The following PRKAA2 variants were observed in gnomAD, a reference collection of about 807,000 sequenced individuals.
The protein encoded by PRKAA2 is 5'-AMP-activated protein kinase catalytic subunit alpha-2.
In PRKAA2, 40 loss-of-function variants were observed where a neutral mutation model predicts 56.3. The observed-to-expected ratio is 0.71, with a 90% CI of 0.55 to 0.92. The LOEUF (loss-of-function observed/expected upper bound fraction) is 0.92, where lower values mean the gene tolerates loss of function less well. PRKAA2 is among the 40% of genes least tolerant of loss of function. The probability of loss-of-function intolerance (pLI) is 0.00; values close to 1 mark genes in which losing one functional copy is unlikely to be tolerated. For synonymous variants in PRKAA2, 214 were observed against 234.2 expected (o/e 0.91, Z 0.79); for missense variants, 542 against 686.9 (o/e 0.79, Z 2.36).
At chr1:56,689,937 C>T (rs1644216472) in intron 2 of PRKAA2, among the ~76,000 whole-genome samples, 1 of 137,612 alleles carries the variant, frequency 7.3e-6, no homozygotes, top group Admixed American at 7.4e-5. Flanking sequence ...CACACACACA[C>T]TCTTAATTTT....
intron 1 of PRKAA2, among the ~76,000 whole-genome samples, chr1:56,648,275 T>C (rs1174820191): frequency 6.6e-6 from 1 of 152,196 alleles, no homozygotes; most frequent in East Asian, 1.9e-4. Flanking sequence ...CCTGTATAAA[T>C]TTGCTTTTTC....
At chr1:56,652,564 C>T (rs929904106) in intron 1 of PRKAA2, among the ~76,000 whole-genome samples, 3 of 152,186 alleles carry the variant, frequency 2.0e-5, no homozygotes, top group African/African-American at 7.2e-5. Flanking sequence ...GAATTAATTC[C>T]ATTTCTACTA....
chr1:56,694,986 G>A (rs915737258), intron 5 of PRKAA2, among the ~76,000 whole-genome samples: 1 of 151,718 alleles, frequency 6.6e-6, no homozygotes, highest in South Asian at 2.1e-4. Flanking sequence ...CTGTAGAAAC[G>A]TAAGAGAAAA....
At chr1:56,655,286 T>A (rs1463239063) in intron 1 of PRKAA2, among the ~76,000 whole-genome samples, 9 of 86,366 alleles carry the variant, frequency 1.0e-4, no homozygotes, top group African/African-American at 3.6e-4. Flanking sequence ...ATATATTTTT[T>A]TTTTTTTTTT....
chr1:56,648,235 A>G (rs1473907019), intron 1 of PRKAA2, among the ~76,000 whole-genome samples: 1 of 152,176 alleles, frequency 6.6e-6, no homozygotes, highest in Non-Finnish European at 1.5e-5. Flanking sequence ...TTCTACCCTC[A>G]GTCCCAGGAA....
In PRKAA2 at chr1:56,704,444, G is replaced by A. The variant is rs777124193; in HGVS notation, c.1262G>A (p.Arg421Gln). ...TATGACATTATGGCTGAAGTTTACC[G>A]AGCTATGAAGCAGCTGGATTTTGAA... ...KPYDIMAEVYRAMKQLDFEWK... is the reference protein window; with the variant it reads ...KPYDIMAEVYQAMKQLDFEWK... The change falls in exon 7 of 9, where the codon CGA becomes CAA. Residue 421 changes from arginine to glutamine, a missense_variant. Physicochemically the swap from Arg to Gln is conservative, Grantham distance 43 (BLOSUM62 1). This residue lies in a region of PRKAA2 where 158 missense variants were observed against 166.1 expected (regional missense o/e 0.95). Coordinates refer to ENST00000371244, the MANE Select transcript of PRKAA2 (RefSeq NM_006252.4). 18 of 1,605,650 alleles carry A rather than the reference G, an allele frequency of 1.1e-5. No homozygotes were observed. The highest frequency in any genetic ancestry group is 1.7e-4 in the Middle Eastern group (1 of 6,016).
chr1:56,674,207 A>T (rs1200983771), intron 1 of PRKAA2, among the ~76,000 whole-genome samples, 174 bp from the exon 2 acceptor site: 1 of 152,198 alleles, frequency 6.6e-6, no homozygotes, highest in Non-Finnish European at 1.5e-5. Context: ...CTGTCCTCAG[A>T]GAGTGCATAC....
At chr1:56,698,169 G>C (rs1644271671) in intron 6 of PRKAA2, among the ~76,000 whole-genome samples, 1 of 144,610 alleles carries the variant, frequency 6.9e-6, no homozygotes. Context: ...TTCCCATCTT[G>C]GCCTCCCAAA....
intron 1 of PRKAA2, among the ~76,000 whole-genome samples, chr1:56,660,955 A>G (rs193243894): frequency 6.6e-6 from 1 of 152,280 alleles, no homozygotes; most frequent in Admixed American, 6.5e-5. Context: ...GAGAAGAGCA[A>G]TGAGATTGTT....
chr1:56,687,785 T>A (rs1644201830), intron 2 of PRKAA2, among the ~76,000 whole-genome samples: 1 of 152,188 alleles, frequency 6.6e-6, no homozygotes, highest in East Asian at 1.9e-4. Flanking sequence ...CAAAAAGGTG[T>A]ACTCATGAAT....
In PRKAA2 at chr1:56,684,979, C is replaced by T. The variant is rs538702630; in HGVS notation, c.237-6415C>T. Among the ~76,000 whole-genome samples, 12 of 152,190 alleles carry T rather than the reference C, an allele frequency of 7.9e-5. No individual in the cohort carries two copies. In the South Asian group the frequency reaches 2.5e-3, roughly 32 times the overall value. On this transcript the variant is annotated intron_variant, in intron 2 of 8. Coordinates refer to ENST00000371244, the MANE Select transcript of PRKAA2 (RefSeq NM_006252.4). The stretch of plus-strand genomic sequence containing the variant: ...GAGGGGCTAATTATAGAAGCCAAGT[C>T]CCTTCGTAGGTGTGGGAGATAATCC...
At chr1:56,687,807 GCTAA>G (rs538994091) in intron 2 of PRKAA2, among the ~76,000 whole-genome samples, 2 of 152,042 alleles carry the variant, frequency 1.3e-5, no homozygotes, top group South Asian at 4.2e-4. Context: ...TTGATTTTTG[GCTAA>G]CTTTGGAAAG....
At chr1:56,699,937 T>C (rs1263815369) in intron 6 of PRKAA2, among the ~76,000 whole-genome samples, 1 of 152,198 alleles carries the variant, frequency 6.6e-6, no homozygotes, top group Non-Finnish European at 1.5e-5. Context: ...ACTTCATTTT[T>C]TTTGCTTGAA....
rs1195985973 is a variant in PRKAA2, at chr1:56,645,414, G to A, written c.27G>A (p.Gly9=). The A allele has an allele frequency of 6.6e-6, 10 of 1,513,372 alleles. No homozygotes were observed. Among genetic ancestry groups the A allele is most frequent in the Non-Finnish European group, 8.9e-6 (10 of 1,125,472 alleles). The allele number at this position is 1,513,372 out of a possible 1,614,324, so 93.7% of individuals were successfully genotyped here. MAEKQKHD[G]RVKIGHYVLG... is the part of the protein sequence containing the mutation. ...TGGCTGAGAAGCAGAAGCACGACGG[G>A]CGGGTGAAGATCGGACACTACGTGC... The change falls in exon 1 of 9, where the codon GGG becomes GGA. Residue 9 remains glycine (G), a synonymous_variant. Coordinates refer to ENST00000371244, the MANE Select transcript of PRKAA2 (RefSeq NM_006252.4).
intron 1 of PRKAA2, among the ~76,000 whole-genome samples, chr1:56,671,179 A>G (rs1435605603): frequency 1.3e-5 from 2 of 152,218 alleles, no homozygotes; most frequent in Non-Finnish European, 2.9e-5. Context: ...GATTTTCAGG[A>G]ACATTCATTC....
intron 1 of PRKAA2, among the ~76,000 whole-genome samples, chr1:56,672,364 G>C (rs1644083524): frequency 6.6e-6 from 1 of 152,178 alleles, no homozygotes; most frequent in African/African-American, 2.4e-5. Flanking sequence ...TGAACCACCT[G>C]CCTCAGCCTC....
At chr1:56,685,266 C>T (rs188435720) in intron 2 of PRKAA2, among the ~76,000 whole-genome samples, 1 of 152,248 alleles carries the variant, frequency 6.6e-6, no homozygotes, top group East Asian at 1.9e-4. Flanking sequence ...ATATCACTTA[C>T]ACCTGAAACA....
At chr1:56,688,714 TTA>T (rs1644208076) in intron 2 of PRKAA2, among the ~76,000 whole-genome samples, 1 of 152,222 alleles carries the variant, frequency 6.6e-6, no homozygotes, top group Non-Finnish European at 1.5e-5. Context: ...AGGGCCTGAT[TTA>T]TTCAGGACCT....
chr1:56,701,771 G>T (rs1644295804), intron 6 of PRKAA2, among the ~76,000 whole-genome samples: 1 of 151,972 alleles, frequency 6.6e-6, no homozygotes, highest in Non-Finnish European at 1.5e-5. Flanking sequence ...GCAGGTGCTT[G>T]TAGTCCCAGC....
Sources: allele counts gnomAD v4.1 joint callset (sites outside exome capture counted in the v4.1 genomes callset), GRCh38; gene constraint gnomAD v4.1.1; regional missense constraint gnomAD v4.1.1; transcripts MANE v1.5; gene names NCBI Gene and HGNC (gene_info 2026-07-23, HGNC 2026-07-21).